The following LRFN5 variants were observed in gnomAD, a reference collection of about 807,000 sequenced individuals.
LRFN5 encodes leucine-rich repeat and fibronectin type-III domain-containing protein 5.
A neutral mutation model predicts 45.6 loss-of-function variants in LRFN5; 24 were observed. The observed-to-expected ratio is 0.53, with a 90% CI of 0.38 to 0.74. The LOEUF (loss-of-function observed/expected upper bound fraction) is 0.74. LRFN5 is among the 30% of genes least tolerant of loss of function. The probability of loss-of-function intolerance (pLI) is 0.00; values close to 1 mark genes in which losing one functional copy is unlikely to be tolerated. For synonymous variants in LRFN5, 340 were observed against 313.8 expected (o/e 1.08, Z -0.88); for missense variants, 776 against 861.5 (o/e 0.90, Z 1.24).
intron 2 of LRFN5, among the ~76,000 whole-genome samples, chr14:41,783,072 C>A (rs1022237156): frequency 6.9e-6 from 1 of 144,236 alleles, no homozygotes; most frequent in Non-Finnish European, 1.5e-5. Flanking sequence ...CTGGTAAAAT[C>A]ATTTCCTTTG....
At chr14:41,765,575 G>A (rs369836638) in intron 1 of LRFN5, among the ~76,000 whole-genome samples, 1 of 152,124 alleles carries the variant, frequency 6.6e-6, no homozygotes, top group Non-Finnish European at 1.5e-5. Flanking sequence ...GTGAAAGTTA[G>A]CTTAAAATAT....
At chr14:41,771,171 A>C in intron 2 of LRFN5, among the ~76,000 whole-genome samples, 1 of 150,290 alleles carries the variant, frequency 6.7e-6, no homozygotes, top group East Asian at 2.1e-4. Flanking sequence ...CTGGCCCCTG[A>C]AACCATTCTA....
At chr14:41,809,596 C>T (rs1285076204) in intron 2 of LRFN5, among the ~76,000 whole-genome samples, 8 of 151,472 alleles carry the variant, frequency 5.3e-5, no homozygotes, top group Admixed American at 5.3e-4. Context: ...AACAATATTA[C>T]CTCTGGATGG....
intron 1 of LRFN5, among the ~76,000 whole-genome samples, chr14:41,647,187 C>G (rs961653327): frequency 6.6e-6 from 1 of 152,114 alleles, no homozygotes; most frequent in Admixed American, 6.5e-5. Context: ...ATTTGGATAA[C>G]ATACATAGAT....
rs897665400 is a variant in LRFN5 at position 41,608,520 on chromosome 14, C to T, written c.-239C>T. The stretch of plus-strand genomic sequence containing the variant: ...ACCTTGCCGGGATTGTACCTGCAGG[C>T]AGAAAGTCTTCCTACGACCGTCTTT... On this transcript the variant is annotated 5_prime_UTR_variant, in exon 1 of 6. Coordinates refer to ENST00000298119, the MANE Select transcript of LRFN5 (RefSeq NM_152447.5). 3.9e-5 allele frequency: 6 copies of T among 152,682 alleles called. No individual in the cohort carries two copies. Among genetic ancestry groups the T allele is most frequent in the Admixed American group, 3.3e-4 (5 of 15,288 alleles). The allele number at this position is 152,682 out of a possible 1,614,324, so 9.5% of individuals were successfully genotyped here.
rs565821052 is a variant in LRFN5 at position 41,727,444 on chromosome 14, A to G, written c.-196-39410A>G. Among the ~76,000 whole-genome samples, 5 of 149,974 alleles carry G rather than the reference A, an allele frequency of 3.3e-5. No homozygotes were observed. The East Asian group carries it at 1.1e-3, about 32-fold the overall frequency. On this transcript the variant is annotated intron_variant, in intron 1 of 5. Coordinates refer to ENST00000298119, the MANE Select transcript of LRFN5 (RefSeq NM_152447.5). Reference sequence around the variant, plus strand: ...CAAAGCAAAAATCCGATCTCTATAAATAAATAAATAAATAAATAGGAAAGA... The same window carrying G: ...CAAAGCAAAAATCCGATCTCTATAAGTAAATAAATAAATAAATAGGAAAGA...
At chr14:41,847,221 G>T (rs1406599387) in intron 2 of LRFN5, among the ~76,000 whole-genome samples, 1 of 151,972 alleles carries the variant, frequency 6.6e-6, no homozygotes, top group African/African-American at 2.4e-5. Flanking sequence ...GATCATTCAA[G>T]ATTTCTGTTA....
At chr14:41,714,246 A>T (rs1390759452) in intron 1 of LRFN5, among the ~76,000 whole-genome samples, 1 of 152,144 alleles carries the variant, frequency 6.6e-6, no homozygotes. Flanking sequence ...TCTTTAGTTG[A>T]TATTTAGAGG....
intron 1 of LRFN5, among the ~76,000 whole-genome samples, chr14:41,627,141 T>C (rs1308097740): frequency 6.6e-6 from 1 of 152,122 alleles, no homozygotes; most frequent in East Asian, 1.9e-4. Context: ...TCACTTTATA[T>C]TGAGATATAA....
intron 2 of LRFN5, among the ~76,000 whole-genome samples, chr14:41,866,890 C>G (rs1169485633): frequency 6.6e-6 from 1 of 152,044 alleles, no homozygotes; most frequent in Non-Finnish European, 1.5e-5. Context: ...ATTAGTGAAT[C>G]CAGAATATGA....
rs374676983 is a variant in LRFN5, at chr14:41,752,735, A to G, written c.-196-14119A>G. 6.6e-5 allele frequency among the ~76,000 whole-genome samples: 10 copies of G among 151,244 alleles called. No individual in the cohort carries two copies. The South Asian group carries it at 1.1e-3, about 16-fold the overall frequency. On this transcript the variant is annotated intron_variant, in intron 1 of 5. Coordinates refer to ENST00000298119, the MANE Select transcript of LRFN5 (RefSeq NM_152447.5). ...TAGGTTGCCTGTTCACTCTGATGGT[A>G]GTTTCTTTTGCTGTGCAGAAGCTCT...
intron 1 of LRFN5, among the ~76,000 whole-genome samples, chr14:41,759,471 AC>A (rs1885559703): frequency 2.3e-5 from 2 of 88,782 alleles, no homozygotes; most frequent in Non-Finnish European, 2.2e-5. Context: ...ACACACACAC[AC>A]ACACACACAC....
intron 2 of LRFN5, among the ~76,000 whole-genome samples, chr14:41,853,773 G>C (rs186042061): frequency 6.6e-6 from 1 of 152,170 alleles, no homozygotes; most frequent in East Asian, 1.9e-4. Context: ...TAGGTAAAGA[G>C]GAATAGAAGC....
intron 1 of LRFN5, among the ~76,000 whole-genome samples, chr14:41,705,006 C>T (rs1444359073): frequency 6.6e-6 from 1 of 152,182 alleles, no homozygotes; most frequent in Non-Finnish European, 1.5e-5. Context: ...CTGTATCACT[C>T]ACTCATTAAT....
chr14:41,827,146 T>G (rs1566468806), intron 2 of LRFN5, among the ~76,000 whole-genome samples: 1 of 152,118 alleles, frequency 6.6e-6, no homozygotes, highest in Non-Finnish European at 1.5e-5. Context: ...AAGATTAATA[T>G]CAAGTGAATT....
intron 1 of LRFN5, among the ~76,000 whole-genome samples, chr14:41,673,345 C>A (rs1881337137): frequency 6.9e-6 from 1 of 145,164 alleles, no homozygotes; most frequent in African/African-American, 2.5e-5. Flanking sequence ...GGGCGGGGGG[C>A]TGACCCCCCA....
chr14:41,772,121 G>T (rs762812819), intron 2 of LRFN5, among the ~76,000 whole-genome samples: 35 of 152,082 alleles, frequency 2.3e-4, no homozygotes, highest in Admixed American at 5.9e-4. Context: ...GAGAGCGAGG[G>T]GGGAGATGAT....
At chr14:41,650,401 A>G (rs1279962578) in intron 1 of LRFN5, among the ~76,000 whole-genome samples, 1 of 152,162 alleles carries the variant, frequency 6.6e-6, no homozygotes, top group African/African-American at 2.4e-5. Context: ...GTTGAGGTCA[A>G]TATGTAATAG....
chr14:41,784,841 C>G (rs1463816980), intron 2 of LRFN5, among the ~76,000 whole-genome samples: 2 of 152,108 alleles, frequency 1.3e-5, no homozygotes, highest in Non-Finnish European at 2.9e-5. Context: ...GTTAGTCAGG[C>G]TGGTCTCGAA....
Sources: allele counts gnomAD v4.1 joint callset (sites outside exome capture counted in the v4.1 genomes callset), GRCh38; gene constraint gnomAD v4.1.1; transcripts MANE v1.5; gene names NCBI Gene and HGNC (gene_info 2026-07-23, HGNC 2026-07-21).